Variants in PCDH9 observed in about 807,000 individuals in gnomAD.
PCDH9 encodes protocadherin 9, also known as protocadherin-9.
In PCDH9, 24 loss-of-function variants were observed where a neutral mutation model predicts 70.6. That is an observed-to-expected ratio of 0.34 (90% CI 0.25 to 0.48). The LOEUF is 0.48. Ranked by LOEUF, PCDH9 falls within the 20% of genes least tolerant of loss-of-function variation. The pLI is 0.99. For missense variants in PCDH9, 1,281 were observed against 1,503.6 expected, an observed-to-expected ratio of 0.85 and a Z score of 2.45; for synonymous variants, 562 against 558.5, an observed-to-expected ratio of 1.01 and a Z score of -0.09.
chr13:66,794,933 C>T (rs943876399), intron 3 of PCDH9, among the ~76,000 whole-genome samples: 1 of 150,750 alleles, frequency 6.6e-6, no homozygotes, highest in African/African-American at 2.4e-5. Flanking sequence ...TGTCACTAAT[C>T]AGACAGTTTC....
At chr13:67,173,503 C>T (rs1206542216) in intron 2 of PCDH9, among the ~76,000 whole-genome samples, 1 of 152,108 alleles carries the variant, frequency 6.6e-6, no homozygotes, top group Non-Finnish European at 1.5e-5. Context: ...CTCCATTTTC[C>T]TCTCTGTGGC....
intron 2 of PCDH9, among the ~76,000 whole-genome samples, chr13:67,154,651 A>C (rs1397095406): frequency 2.1e-5 from 3 of 142,648 alleles, no homozygotes; most frequent in Admixed American, 1.4e-4. Flanking sequence ...CACACATACA[A>C]GATACTCTCT....
At chr13:66,489,556 C>T (rs1959000194) in intron 4 of PCDH9, among the ~76,000 whole-genome samples, 1 of 152,146 alleles carries the variant, frequency 6.6e-6, no homozygotes, top group African/African-American at 2.4e-5. Context: ...AAGGGATTCT[C>T]CTGCTTCAGC....
intron 3 of PCDH9, among the ~76,000 whole-genome samples, chr13:66,638,558 TG>T (rs1209390734): frequency 1.6e-4 from 25 of 152,304 alleles, no homozygotes; most frequent in African/African-American, 6.0e-4. Flanking sequence ...GAATTTTGCA[TG>T]TCTTAATGAG....
chr13:66,421,617 G>A (rs4884671), intron 4 of PCDH9, among the ~76,000 whole-genome samples: 60,200 of 151,978 alleles, frequency 0.4, 12,545 homozygotes, highest in East Asian at 0.51. Context: ...AATGCTGAGG[G>A]ATTTTGTTAC....
chr13:66,630,938 T>A (rs1315996837), intron 4 of PCDH9, among the ~76,000 whole-genome samples: 1 of 152,194 alleles, frequency 6.6e-6, no homozygotes, highest in African/African-American at 2.4e-5. Context: ...GACATCAGAA[T>A]ATCTTGCAAC....
At position 66,631,389 on chromosome 13, in the gene PCDH9, T is replaced by A. The variant is rs773761461; in HGVS notation, c.3161A>T (p.His1054Leu). The change falls in exon 4 of 5, where the codon CAT becomes CTT. Residue 1054 changes from histidine (H) to leucine (L), a missense_variant. Transcript: ENST00000377865. ...HYESQRRVTF[H>L]LPDGSQESCS... ...GCTTTCCTGGGAGCCATCAGGGAGATGAAACGTAACACGGCGCTGCGACTA... is the reference window on the plus strand; with the variant it reads ...GCTTTCCTGGGAGCCATCAGGGAGAAGAAACGTAACACGGCGCTGCGACTA... 7.4e-6 allele frequency: 12 copies of A among 1,610,946 alleles called. No individual in the cohort carries two copies. The highest frequency in any genetic ancestry group is 9.3e-6 in the Non-Finnish European group (11 of 1,177,190).
intron 3 of PCDH9, among the ~76,000 whole-genome samples, chr13:66,773,627 C>T (rs1262360912): frequency 1.4e-5 from 2 of 148,040 alleles, no homozygotes; most frequent in Admixed American, 1.3e-4. Context: ...CAGACACCGT[C>T]TCAAAAAAAT....
intron 2 of PCDH9, among the ~76,000 whole-genome samples, chr13:66,997,286 C>T (rs1400607039): frequency 6.6e-6 from 1 of 152,020 alleles, no homozygotes; most frequent in Non-Finnish European, 1.5e-5. Context: ...AGGAAATTTA[C>T]AATTATAACA....
intron 3 of PCDH9, among the ~76,000 whole-genome samples, chr13:66,793,728 C>T (rs1448862479): frequency 6.6e-6 from 1 of 152,026 alleles, no homozygotes; most frequent in Non-Finnish European, 1.5e-5. Context: ...AACCTATTTT[C>T]TTTTTGAAAG....
At chr13:66,766,322 C>T (rs1305339476) in intron 3 of PCDH9, among the ~76,000 whole-genome samples, 1 of 151,934 alleles carries the variant, frequency 6.6e-6, no homozygotes, top group African/African-American at 2.4e-5. Flanking sequence ...GTAGAAGAGG[C>T]TGTTCCTTGG....
intron 3 of PCDH9, among the ~76,000 whole-genome samples, chr13:66,882,063 G>C (rs1203062541): frequency 1.3e-5 from 2 of 152,106 alleles, no homozygotes; most frequent in African/African-American, 2.4e-5. Flanking sequence ...ACTTGGGCTA[G>C]AGAGCCAAGC....
At chr13:66,577,669 C>T (rs1401769710) in intron 4 of PCDH9, among the ~76,000 whole-genome samples, 1 of 151,876 alleles carries the variant, frequency 6.6e-6, no homozygotes, top group East Asian at 1.9e-4. Flanking sequence ...ATAGAAGCAG[C>T]CTGGCTTACT....
intron 3 of PCDH9, chr13:66,876,904 AT>A (rs1281329982): frequency 1.3e-5 from 2 of 152,110 alleles, no homozygotes; most frequent in Non-Finnish European, 2.9e-5. Flanking sequence ...TTGATATTGG[AT>A]CCCTCTCACA....
chr13:66,643,799 A>T (rs1310535279), intron 3 of PCDH9, among the ~76,000 whole-genome samples: 1 of 152,004 alleles, frequency 6.6e-6, no homozygotes, highest in Non-Finnish European at 1.5e-5. Context: ...TTTTTTGAAG[A>T]TAAAAATGTA....
At chr13:66,981,013 T>A (rs2083752180) in intron 2 of PCDH9, among the ~76,000 whole-genome samples, 1 of 152,148 alleles carries the variant, frequency 6.6e-6, no homozygotes, top group South Asian at 2.1e-4. Context: ...CATGTGTTTT[T>A]CCATAAAATC....
intron 3 of PCDH9, among the ~76,000 whole-genome samples, chr13:66,884,338 T>A (rs1474833102): frequency 2.6e-5 from 4 of 152,134 alleles, no homozygotes; most frequent in Non-Finnish European, 5.9e-5. Context: ...TCCCATAGCA[T>A]CTGCAATATA....
intron 3 of PCDH9, among the ~76,000 whole-genome samples, chr13:66,655,039 A>T (rs1427133588): frequency 6.6e-6 from 1 of 151,648 alleles, no homozygotes; most frequent in African/African-American, 2.4e-5. Context: ...TTTTTTTTTT[A>T]AATAATTAAA....
chr13:66,607,791 T>C (rs908956920), intron 4 of PCDH9, among the ~76,000 whole-genome samples: 3 of 152,068 alleles, frequency 2.0e-5, no homozygotes, highest in Non-Finnish European at 2.9e-5. Context: ...GTTTAAATTA[T>C]AATGAAAATA....
Sources: gnomAD v4.1 joint callset for allele counts (sites outside exome capture counted in the v4.1 genomes callset) on GRCh38, gnomAD v4.1.1 for gene constraint, MANE v1.5 for transcripts, NCBI Gene and HGNC (gene_info 2026-07-23, HGNC 2026-07-21) for gene names.